The following HYCC1 variants were observed in gnomAD, a reference collection of about 807,000 sequenced individuals.
The protein encoded by HYCC1 is hyccin.
chr7:22,941,951 A>T, the HYCC1 span: 1 of 152,162 alleles, frequency 6.6e-6, no homozygotes, highest in African/African-American at 2.4e-5. Flanking sequence ...AGTGGTTTTT[A>T]AAAAATATTT....
chr7:22,919,170 A>G, the HYCC1 span, among the ~76,000 whole-genome samples: 3 of 152,224 alleles, frequency 2.0e-5, no homozygotes, highest in Non-Finnish European at 2.9e-5. Flanking sequence ...GATTTAATAG[A>G]CAAAGCCTTC....
chr7:22,980,452 A>C, the HYCC1 span, among the ~76,000 whole-genome samples: 1 of 152,108 alleles, frequency 6.6e-6, no homozygotes, highest in South Asian at 2.1e-4. Context: ...TTCTGAAACA[A>C]CTAAGCTGCA....
chr7:22,932,609 C>T, the HYCC1 span, among the ~76,000 whole-genome samples: 1 of 152,086 alleles, frequency 6.6e-6, no homozygotes, highest in African/African-American at 2.4e-5. Flanking sequence ...CTCACCAATA[C>T]CTAATTTTGA....
chr7:22,931,500 T>A, the HYCC1 span, among the ~76,000 whole-genome samples: 3 of 152,140 alleles, frequency 2.0e-5, no homozygotes, highest in East Asian at 5.8e-4. Flanking sequence ...TGGAAGGGAC[T>A]TTGGAATTGG....
At chr7:22,947,323 C>G in the HYCC1 span, 7 of 1,245,530 alleles carry the variant, frequency 5.6e-6, no homozygotes, top group Admixed American at 2.3e-5. Flanking sequence ...GCAAAAGACT[C>G]AAAACAAAAA....
chr7:22,982,349 A>G, the HYCC1 span, among the ~76,000 whole-genome samples: 2 of 152,112 alleles, frequency 1.3e-5, no homozygotes, highest in African/African-American at 4.8e-5. Flanking sequence ...TTGTCAATAT[A>G]CTCCCTAATC....
At chr7:22,977,401 TC>T in the HYCC1 span, 5 of 1,587,028 alleles carry the variant, frequency 3.2e-6, no homozygotes, top group Admixed American at 3.3e-5. Flanking sequence ...CTTTGGTATG[TC>T]CCTGTTTGTC....
At chr7:22,969,942 G>A in the HYCC1 span, among the ~76,000 whole-genome samples, 3 of 152,186 alleles carry the variant, frequency 2.0e-5, no homozygotes, top group Admixed American at 1.3e-4. Flanking sequence ...GAATATACAG[G>A]TTTAGGAATC....
chr7:22,994,971 C>T, the HYCC1 span, among the ~76,000 whole-genome samples: 1 of 152,132 alleles, frequency 6.6e-6, no homozygotes. Flanking sequence ...CATGGGTCCT[C>T]TGGAATTTAC....
the HYCC1 span, chr7:22,942,230 A>C: frequency 6.6e-6 from 1 of 152,200 alleles, no homozygotes; most frequent in Non-Finnish European, 1.5e-5. Context: ...TTTTAAAAAA[A>C]TGAGTAATAT....
At chr7:22,919,551 T>A in the HYCC1 span, among the ~76,000 whole-genome samples, 1 of 151,922 alleles carries the variant, frequency 6.6e-6, no homozygotes, top group Non-Finnish European at 1.5e-5. Context: ...TAAAGGAAGT[T>A]ATGATGACCA....
the HYCC1 span, among the ~76,000 whole-genome samples, chr7:22,955,300 T>C: frequency 0.42 from 62,892 of 151,318 alleles, 13,094 homozygotes; most frequent in East Asian, 0.51. Flanking sequence ...ATTAAGAATA[T>C]ACTTATTTTG....
the HYCC1 span, among the ~76,000 whole-genome samples, chr7:22,911,672 C>T: frequency 5.9e-5 from 9 of 152,178 alleles, no homozygotes; most frequent in East Asian, 5.8e-4. Context: ...GCAGAAGAAT[C>T]GCTTGAACCT....
the HYCC1 span, among the ~76,000 whole-genome samples, chr7:22,899,202 C>T: frequency 6.6e-6 from 1 of 152,104 alleles, no homozygotes; most frequent in Non-Finnish European, 1.5e-5. Flanking sequence ...TTAAATGAAA[C>T]AGTCCTGCAC....
At chr7:22,972,350 C>T in the HYCC1 span, among the ~76,000 whole-genome samples, 1 of 152,108 alleles carries the variant, frequency 6.6e-6, no homozygotes, top group African/African-American at 2.4e-5. Context: ...ATTACAGGTA[C>T]ACAGAAACAA....
At chr7:22,927,270 G>T in the HYCC1 span, among the ~76,000 whole-genome samples, 1 of 152,058 alleles carries the variant, frequency 6.6e-6, no homozygotes, top group Non-Finnish European at 1.5e-5. Context: ...ACAATTAAAA[G>T]AACTAGAGAA....
At chr7:22,947,220 G>C in the HYCC1 span, 1 of 1,549,740 alleles carries the variant, frequency 6.5e-7, no homozygotes, top group South Asian at 1.2e-5. Context: ...GCCCAATTCA[G>C]TAGCATCATT....
At chr7:22,908,670 C>T in the HYCC1 span, among the ~76,000 whole-genome samples, 2 of 152,126 alleles carry the variant, frequency 1.3e-5, no homozygotes, top group Non-Finnish European at 1.5e-5. Context: ...CTCCTTATAC[C>T]TTGTGTAGTA....
At chr7:22,924,109 G>C in the HYCC1 span, among the ~76,000 whole-genome samples, 1 of 149,896 alleles carries the variant, frequency 6.7e-6, no homozygotes, top group Non-Finnish European at 1.5e-5. Flanking sequence ...AACCCAGGGG[G>C]TGAAAGTTGC....
Sources: allele counts gnomAD v4.1 joint callset (sites outside exome capture counted in the v4.1 genomes callset), GRCh38; gene constraint gnomAD v4.1.1; transcripts MANE v1.5; gene names NCBI Gene and HGNC (gene_info 2026-07-23, HGNC 2026-07-21).